ST3GAL3: variants seen among roughly 807,000 people sequenced by gnomAD.
ST3GAL3 encodes CMP-N-acetylneuraminate-beta-1,4-galactoside alpha-2,3-sialyltransferase.
A neutral mutation model predicts 50.1 loss-of-function variants in ST3GAL3; 21 were observed. The ratio of observed to expected loss-of-function variants is 0.42; its 90% CI spans 0.30 to 0.60. The LOEUF (loss-of-function observed/expected upper bound fraction) is 0.60. Ranked by LOEUF, ST3GAL3 falls within the 20% of genes least tolerant of loss-of-function variation. The probability of loss-of-function intolerance (pLI) is 0.19; values close to 1 mark genes in which losing one functional copy is unlikely to be tolerated. For missense variants in ST3GAL3, 353 were observed against 489.4 expected (o/e 0.72, Z 2.63); for synonymous variants, 183 against 190.0 (o/e 0.96, Z 0.30).
intron 2 of ST3GAL3, among the ~76,000 whole-genome samples, chr1:43,756,208 C>G (rs1688051523): frequency 6.7e-6 from 1 of 148,328 alleles, no homozygotes; most frequent in Non-Finnish European, 1.5e-5. Flanking sequence ...TAACGCTGAA[C>G]AAAAGAAATC....
At chr1:43,796,152 C>T (rs1460717514) in intron 3 of ST3GAL3, among the ~76,000 whole-genome samples, 1 of 152,228 alleles carries the variant, frequency 6.6e-6, no homozygotes, top group Non-Finnish European at 1.5e-5. Flanking sequence ...CCTCTCTGAT[C>T]AGAGGAGCTA....
intron 4 of ST3GAL3, among the ~76,000 whole-genome samples, chr1:43,821,844 C>T (rs1027894795): frequency 2.6e-5 from 4 of 152,160 alleles, no homozygotes; most frequent in South Asian, 2.1e-4. Context: ...GCTCTTGCCC[C>T]GACAACAAAG....
intron 9 of ST3GAL3, among the ~76,000 whole-genome samples, chr1:43,917,278 T>G (rs997501397): frequency 6.6e-6 from 1 of 150,412 alleles, no homozygotes; most frequent in Non-Finnish European, 1.5e-5. Flanking sequence ...TTGTCATTAG[T>G]GAGTTAAATT....
chr1:43,877,067 C>A (rs2074257975), intron 5 of ST3GAL3, among the ~76,000 whole-genome samples: 1 of 152,176 alleles, frequency 6.6e-6, no homozygotes. Flanking sequence ...TAGTCTGTGA[C>A]AGGTTTCTAT....
chr1:43,915,389 A>G (rs1449194706), intron 9 of ST3GAL3, among the ~76,000 whole-genome samples: 3 of 152,238 alleles, frequency 2.0e-5, no homozygotes, highest in African/African-American at 7.2e-5. Flanking sequence ...TTCTTACAAT[A>G]GCTTGTAAGC....
intron 9 of ST3GAL3, among the ~76,000 whole-genome samples, chr1:43,904,075 A>G (rs551754750): frequency 2.0e-4 from 31 of 152,210 alleles, no homozygotes; most frequent in African/African-American, 7.2e-4. Flanking sequence ...GGAGCAAAGC[A>G]TTTTTCTGTC....
At chr1:43,736,109 G>A in intron 1 of ST3GAL3, 124 bp from the exon 2 acceptor site, 1 of 905,764 alleles carries the variant, frequency 1.1e-6, no homozygotes, top group South Asian at 1.4e-5. Context: ...AAGATGCCAT[G>A]ATATGAAAGT....
intron 3 of ST3GAL3, among the ~76,000 whole-genome samples, chr1:43,813,945 G>C (rs77703298): frequency 6.7e-6 from 1 of 149,980 alleles, no homozygotes; most frequent in Admixed American, 6.6e-5. Context: ...TGCAACTATG[G>C]AGCAGAGCCA....
intron 1 of ST3GAL3, among the ~76,000 whole-genome samples, chr1:43,709,729 C>G (rs1448512857): frequency 1.3e-5 from 2 of 152,032 alleles, no homozygotes; most frequent in African/African-American, 4.8e-5. Context: ...CGCCTGTAAT[C>G]CCAGCTGCTC....
intron 1 of ST3GAL3, among the ~76,000 whole-genome samples, chr1:43,710,770 G>A (rs920245361): frequency 1.3e-5 from 2 of 152,140 alleles, no homozygotes; most frequent in Non-Finnish European, 2.9e-5. Context: ...ATTTGATACG[G>A]AACTTCCTTT....
In ST3GAL3 at chr1:43,908,701, G is replaced by A. The variant is rs139984558; in HGVS notation, c.744+8974G>A. 1.5e-3 allele frequency among the ~76,000 whole-genome samples: 225 copies of A among 149,296 alleles called. 1 individual carries two copies. Among genetic ancestry groups the A allele is most frequent in the African/African-American group, 5.0e-3 (200 of 40,346 alleles). The stretch of plus-strand genomic sequence containing the variant: ...GAGTGCAGTGGCACAATCTCAGCTC[G>A]CTGAAACCTCCGCCACCCCCTCCAG... On this transcript the variant is annotated intron_variant, in intron 9 of 11. Transcript: ENST00000347631.
intron 5 of ST3GAL3, among the ~76,000 whole-genome samples, chr1:43,857,749 A>G (rs1453647124): frequency 1.3e-5 from 2 of 151,640 alleles, no homozygotes; most frequent in African/African-American, 4.8e-5. Flanking sequence ...CCAAGTAGCT[A>G]GGATTACAGG....
intron 5 of ST3GAL3, among the ~76,000 whole-genome samples, chr1:43,855,500 C>G (rs58163934): frequency 2.0e-5 from 3 of 151,930 alleles, no homozygotes; most frequent in African/African-American, 7.3e-5. Flanking sequence ...ATCCCAACTA[C>G]TCGGGAGGCT....
At chr1:43,760,859 T>G (rs182950073) in intron 2 of ST3GAL3, among the ~76,000 whole-genome samples, 2 of 152,100 alleles carry the variant, frequency 1.3e-5, no homozygotes, top group East Asian at 3.9e-4. Context: ...AAATAAAATG[T>G]GGTATATCCA....
intron 9 of ST3GAL3, among the ~76,000 whole-genome samples, chr1:43,904,470 C>T (rs913555611): frequency 2.0e-5 from 3 of 152,004 alleles, no homozygotes; most frequent in Admixed American, 2.0e-4. Flanking sequence ...TCACCAGTGG[C>T]CGCAGCTCTT....
At chr1:43,774,951 G>C (rs983577036) in intron 2 of ST3GAL3, among the ~76,000 whole-genome samples, 2 of 152,066 alleles carry the variant, frequency 1.3e-5, no homozygotes, top group African/African-American at 4.8e-5. Flanking sequence ...AGCAGGGAGC[G>C]TGAGAATACC....
At chr1:43,892,086 A>C (rs1359735842) in intron 5 of ST3GAL3, among the ~76,000 whole-genome samples, 1 of 152,122 alleles carries the variant, frequency 6.6e-6, no homozygotes, top group East Asian at 1.9e-4. Flanking sequence ...TGGGACTACC[A>C]GCGTGCCCAC....
intron 2 of ST3GAL3, among the ~76,000 whole-genome samples, chr1:43,791,102 T>G (rs1265242261): frequency 6.6e-6 from 1 of 152,238 alleles, no homozygotes; most frequent in Non-Finnish European, 1.5e-5. Flanking sequence ...TCCATTCTTG[T>G]TGGGTTTGAC....
chr1:43,729,258 G>A (rs1674524950), intron 1 of ST3GAL3, among the ~76,000 whole-genome samples: 1 of 151,546 alleles, frequency 6.6e-6, no homozygotes, highest in South Asian at 2.1e-4. Context: ...CCCAGCTATC[G>A]AGACAATTTT....
Sources: gnomAD v4.1 joint callset for allele counts (sites outside exome capture counted in the v4.1 genomes callset) on GRCh38, gnomAD v4.1.1 for gene constraint, MANE v1.5 for transcripts, NCBI Gene and HGNC (gene_info 2026-07-23, HGNC 2026-07-21) for gene names.